Variants in CDH18 observed in about 807,000 individuals in gnomAD.
CDH18 encodes cadherin 18, also known as cadherin-18.
A neutral mutation model predicts 67.9 loss-of-function variants in CDH18; 31 were observed. That is an observed-to-expected ratio of 0.46 (90% CI 0.34 to 0.62). CDH18 has a LOEUF of 0.62. CDH18 is among the 20% of genes least tolerant of loss of function. The pLI, the probability that CDH18 is intolerant of heterozygous loss-of-function variation, is 0.01. For synonymous variants in CDH18, 362 were observed against 347.2 expected, an observed-to-expected ratio of 1.04 and a Z score of -0.48; for missense variants, 890 against 975.5, an observed-to-expected ratio of 0.91 and a Z score of 1.17.
chr5:19,963,939 G>A (rs1471708887), intron 2 of CDH18, among the ~76,000 whole-genome samples: 1 of 151,828 alleles, frequency 6.6e-6, no homozygotes, highest in Non-Finnish European at 1.5e-5. Flanking sequence ...AGATCTCCTG[G>A]GAACTAACTC....
chr5:20,079,105 C>A (rs1486460632), intron 2 of CDH18, among the ~76,000 whole-genome samples: 1 of 152,064 alleles, frequency 6.6e-6, no homozygotes, highest in East Asian at 1.9e-4. Flanking sequence ...TTTGAATGTA[C>A]AATCCACTAT....
rs926328845 is a variant in CDH18, at chr5:20,150,415, A to C, written c.-518+105029T>G. Among the ~76,000 whole-genome samples the C allele has an allele frequency of 3.3e-5, 5 of 152,222 alleles. No individual in the cohort carries two copies. The East Asian group carries it at 9.7e-4, about 29-fold the overall frequency. ...AAAGTATTGAAGCTTGTTGCTTAAA[A>C]AGTAGAGATGCCTATGAAGTATAAT... On this transcript the variant is annotated intron_variant, in intron 2 of 14. Transcript: ENST00000507958.
intron 5 of CDH18, among the ~76,000 whole-genome samples, chr5:19,664,742 C>A (rs1170478220): frequency 6.6e-6 from 1 of 151,786 alleles, no homozygotes; most frequent in African/African-American, 2.4e-5. Flanking sequence ...AATTCTATGC[C>A]CCTCACTGCA....
intron 2 of CDH18, among the ~76,000 whole-genome samples, chr5:19,847,280 ATGT>A (rs1393682704): frequency 2.0e-5 from 3 of 151,864 alleles, no homozygotes; most frequent in African/African-American, 7.3e-5. Context: ...GATCTACTTG[ATGT>A]TGTTCCATAT....
At chr5:20,024,499 A>C (rs1194596951) in intron 2 of CDH18, among the ~76,000 whole-genome samples, 5 of 152,292 alleles carry the variant, frequency 3.3e-5, no homozygotes, top group Admixed American at 6.5e-5. Flanking sequence ...TAAACTATAG[A>C]AACATGTTGG....
chr5:19,785,701 T>A (rs1267587326), intron 3 of CDH18, among the ~76,000 whole-genome samples: 26 of 86,536 alleles, frequency 3.0e-4, no homozygotes, highest in Non-Finnish European at 3.7e-4. Flanking sequence ...TATATATATA[T>A]ATATATATAT....
chr5:19,786,572 T>TA (rs1775794992), intron 3 of CDH18, among the ~76,000 whole-genome samples: 1 of 152,152 alleles, frequency 6.6e-6, no homozygotes, highest in Non-Finnish European at 1.5e-5. Context: ...GTACTATACC[T>TA]AAAAGATAAA....
At chr5:19,793,764 G>C (rs1480197497) in intron 3 of CDH18, among the ~76,000 whole-genome samples, 2 of 152,074 alleles carry the variant, frequency 1.3e-5, no homozygotes, top group Non-Finnish European at 2.9e-5. Flanking sequence ...AAAGGTAAGA[G>C]AGGATCTGAG....
chr5:19,649,047 A>G (rs1326578655), intron 5 of CDH18, among the ~76,000 whole-genome samples: 1 of 152,104 alleles, frequency 6.6e-6, no homozygotes, highest in Admixed American at 6.6e-5. Flanking sequence ...TATTTCAGGT[A>G]AGGAGGAAAG....
intron 1 of CDH18, among the ~76,000 whole-genome samples, chr5:20,499,543 C>T (rs993063588): frequency 2.6e-5 from 4 of 152,092 alleles, no homozygotes; most frequent in Non-Finnish European, 2.9e-5. Flanking sequence ...ATTGTTTTAA[C>T]ATCTCCTCAA....
intron 1 of CDH18, among the ~76,000 whole-genome samples, chr5:20,325,110 G>T (rs1324910424): frequency 6.6e-6 from 1 of 152,200 alleles, no homozygotes; most frequent in East Asian, 1.9e-4. Context: ...GGTTTGTAAA[G>T]TTTCTAGTTC....
intron 5 of CDH18, among the ~76,000 whole-genome samples, chr5:19,626,872 T>C (rs1231618370): frequency 6.6e-6 from 1 of 152,152 alleles, no homozygotes; most frequent in Non-Finnish European, 1.5e-5. Flanking sequence ...TATTATGCTT[T>C]CAAAAATTTC....
At chr5:20,282,640 G>C (rs1043352151) in intron 1 of CDH18, among the ~76,000 whole-genome samples, 1 of 152,020 alleles carries the variant, frequency 6.6e-6, no homozygotes, top group South Asian at 2.1e-4. Context: ...GGATATTTTT[G>C]CATCGATGTT....
chr5:19,972,156 AT>A (rs10713870), intron 2 of CDH18, among the ~76,000 whole-genome samples: 14,554 of 152,054 alleles, frequency 0.096, 1,949 homozygotes, highest in African/African-American at 0.3. Flanking sequence ...TGATGAACAA[AT>A]TGAATGAGTT....
rs572815578 is a variant in CDH18 at position 20,493,071 on chromosome 5, C to T, written c.-580+82391G>A. 6.9e-4 allele frequency among the ~76,000 whole-genome samples: 105 copies of T among 151,862 alleles called. 1 individual carries two copies. The highest frequency in any genetic ancestry group is 2.5e-3 in the African/African-American group (104 of 41,440). On this transcript the variant is annotated intron_variant, in intron 1 of 14. Coordinates refer to the CDH18 transcript ENST00000507958. ...AACTTTATGAAATATGTTTTTGGCC[C>T]GGGGTTGTGGCTCATGCCTGTAATC...
chr5:19,764,124 G>A (rs1452993700), intron 3 of CDH18, among the ~76,000 whole-genome samples: 9 of 149,180 alleles, frequency 6.0e-5, no homozygotes, highest in Non-Finnish European at 1.2e-4. Context: ...AGCCAAGATC[G>A]TGCCACTGTA....
intron 2 of CDH18, among the ~76,000 whole-genome samples, chr5:19,958,732 A>ATT (rs1796512444): frequency 6.6e-6 from 1 of 152,062 alleles, no homozygotes; most frequent in Non-Finnish European, 1.5e-5. Flanking sequence ...ATATGCTTGA[A>ATT]CCAGTTTGTG....
intron 2 of CDH18, among the ~76,000 whole-genome samples, chr5:19,876,532 C>G (rs1210516558): frequency 6.6e-6 from 1 of 152,062 alleles, no homozygotes; most frequent in Non-Finnish European, 1.5e-5. Flanking sequence ...TCTTATTTCT[C>G]CTTTTCCCAG....
chr5:19,704,692 T>C (rs1489540302), intron 5 of CDH18, among the ~76,000 whole-genome samples: 4 of 152,116 alleles, frequency 2.6e-5, no homozygotes, highest in South Asian at 2.1e-4. Context: ...CATTGGTCAC[T>C]AAGTAAAGAG....
Sources: gnomAD v4.1 joint callset for allele counts (sites outside exome capture counted in the v4.1 genomes callset) on GRCh38, gnomAD v4.1.1 for gene constraint, MANE v1.5 for transcripts, NCBI Gene and HGNC (gene_info 2026-07-23, HGNC 2026-07-21) for gene names.